The following CLEC4C variants were observed in gnomAD, a reference collection of about 807,000 sequenced individuals.
The protein encoded by CLEC4C is C-type (calcium dependent, carbohydrate-recognition domain) lectin, superfamily member 11.
CLEC4C carries 17 observed loss-of-function variants against 27.7 expected under a neutral mutation model. The observed-to-expected ratio is 0.61, with a 90% CI of 0.42 to 0.92. The LOEUF (loss-of-function observed/expected upper bound fraction) is 0.92, where lower values mean the gene tolerates loss of function less well. Ranked by LOEUF, CLEC4C falls within the 40% of genes least tolerant of loss-of-function variation. The pLI, the probability that CLEC4C is intolerant of heterozygous loss-of-function variation, is 0.00. For synonymous variants in CLEC4C, 80 were observed against 80.8 expected (o/e 0.99, Z 0.06); for missense variants, 244 against 257.3 (o/e 0.95, Z 0.35).
chr12:7,741,659 G>T, intron 2 of CLEC4C, 128 bp from the exon 3 acceptor site: 1 of 573,356 alleles, frequency 1.7e-6, no homozygotes, highest in Non-Finnish European at 3.2e-6. Flanking sequence ...AGGCCGAGGT[G>T]GGAGGACCAT....
In CLEC4C at chr12:7,730,875, TA is replaced by T. The variant is rs746142163; in HGVS notation, c.418del (p.Tyr140IlefsTer43). On this transcript the variant is annotated frameshift_variant, in exon 5 of 6. Coordinates refer to ENST00000360345, the MANE Select transcript of CLEC4C (RefSeq NM_001371390.1). LOFTEE classifies it high-confidence loss of function. ...CCCTGGATCTGACAGCCCCAGAAAA[TA>T]AGAAGAATTTCTTTTCAGATTCTGA... Reference protein sequence around the residue: ...IIQNLKRNSSYFLGLSDPGGR... With the variant: ...IIQNLKRNSSXFLGLSDPGGR... 14 of 1,607,338 alleles carry T rather than the reference TA, an allele frequency of 8.7e-6. No individual in the cohort carries two copies. The highest frequency in any genetic ancestry group is 1.1e-5 in the Non-Finnish European group (13 of 1,174,468).
Position 7,729,526 on chromosome 12 carries a change from T to C in CLEC4C, c.*70A>G, listed in dbSNP as rs189296746. On this transcript the variant is annotated 3_prime_UTR_variant, in exon 6 of 6. Transcript: ENST00000360345. ...CCTTGTACAAAACTTACACATAAAT[T>C]AAAAAATCAATTTAGCTTTCTACAA... 34 of 1,471,140 alleles carry C rather than the reference T, an allele frequency of 2.3e-5. No individual in the cohort carries two copies. Among genetic ancestry groups the C allele is most frequent in the Non-Finnish European group, 3.2e-5 (34 of 1,075,036 alleles). 91.1% of individuals were successfully genotyped at this position (1,471,140 alleles called of 1,614,324 possible). A position where few individuals can be genotyped will look rare whatever the true frequency, so the allele number is the denominator to read the frequency against.
At chr12:7,733,560 C>T (rs1234793416) in intron 4 of CLEC4C, among the ~76,000 whole-genome samples, 1 of 148,562 alleles carries the variant, frequency 6.7e-6, no homozygotes, top group Non-Finnish European at 1.5e-5. Flanking sequence ...TGGCTCACTG[C>T]AAGCTCCGCC....
chr12:7,748,371 C>G (rs2120458146), upstream of CLEC4C, among the ~76,000 whole-genome samples: 1 of 152,098 alleles, frequency 6.6e-6, no homozygotes, highest in East Asian at 1.9e-4. Flanking sequence ...ACTAAAAATA[C>G]AAAAATTAGC....
At chr12:7,733,588 TCTC>T (rs960984977) in intron 4 of CLEC4C, among the ~76,000 whole-genome samples, 5 of 150,576 alleles carry the variant, frequency 3.3e-5, no homozygotes, top group African/African-American at 1.2e-4. Flanking sequence ...TTCACGCCAT[TCTC>T]CTGCCTCAGC....
intron 4 of CLEC4C, among the ~76,000 whole-genome samples, chr12:7,735,209 T>TA (rs917927052): frequency 7.1e-6 from 1 of 140,200 alleles, no homozygotes; most frequent in Non-Finnish European, 1.5e-5. Context: ...CTCAAAAAAA[T>TA]AAAAAAAGAA....
intron 3 of CLEC4C, among the ~76,000 whole-genome samples, chr12:7,741,196 C>T (rs1488025470): frequency 6.6e-6 from 1 of 151,996 alleles, no homozygotes; most frequent in African/African-American, 2.4e-5. Context: ...AACTCCAGAC[C>T]CTCAGGTAAT....
chr12:7,739,559 C>CA (rs1466274553), intron 3 of CLEC4C, among the ~76,000 whole-genome samples: 15 of 152,144 alleles, frequency 9.9e-5, no homozygotes, highest in Non-Finnish European at 2.1e-4. Context: ...ATCCTGGACA[C>CA]AGCCGACCAA....
At chr12:7,745,941 C>T (rs879283504) in intron 2 of CLEC4C, among the ~76,000 whole-genome samples, 6 of 151,800 alleles carry the variant, frequency 4.0e-5, no homozygotes, top group Non-Finnish European at 5.9e-5. Context: ...CGTGGCCGGG[C>T]GCGGTGGCTC....
chr12:7,736,910 A>G (rs1864739127), intron 4 of CLEC4C, among the ~76,000 whole-genome samples: 1 of 151,928 alleles, frequency 6.6e-6, no homozygotes, highest in Non-Finnish European at 1.5e-5. Flanking sequence ...CTCAAAATAA[A>G]TAAATAAATA....
Position 7,746,039 on chromosome 12 carries a change from A to C in CLEC4C, c.124+292T>G, listed in dbSNP as rs771366288. Among the ~76,000 whole-genome samples, 1,340 of 150,902 alleles carry C rather than the reference A, an allele frequency of 8.9e-3. 18 individuals are homozygous for C. Among genetic ancestry groups the C allele is most frequent in the Middle Eastern group, 0.044 (13 of 294 alleles). On this transcript the variant is annotated intron_variant, in intron 2 of 5. Coordinates refer to ENST00000360345, the MANE Select transcript of CLEC4C (RefSeq NM_001371390.1). Reference sequence around the variant, plus strand: ...AACCACCCTGGCTAACACAGTGAAAACCCGTCTCTACTAAAAATACAAAAA... The same window carrying C: ...AACCACCCTGGCTAACACAGTGAAACCCCGTCTCTACTAAAAATACAAAAA...
chr12:7,730,108 C>T (rs1864560849), intron 5 of CLEC4C, among the ~76,000 whole-genome samples: 3 of 151,972 alleles, frequency 2.0e-5, no homozygotes, highest in African/African-American at 7.2e-5. Flanking sequence ...TATTTTTTTT[C>T]CCTAGTCACA....
chr12:7,730,577 T>C (rs748092924), intron 5 of CLEC4C, among the ~76,000 whole-genome samples: 1 of 151,212 alleles, frequency 6.6e-6, no homozygotes, highest in African/African-American at 2.4e-5. Context: ...GAGGCAGAGG[T>C]TGCAGTGAGC....
intron 3 of CLEC4C, among the ~76,000 whole-genome samples, chr12:7,739,670 A>C (rs1864809986): frequency 6.7e-6 from 1 of 149,274 alleles, no homozygotes; most frequent in South Asian, 2.1e-4. Context: ...TAAAGCTGAT[A>C]ATTTTATTTT....
intron 4 of CLEC4C, among the ~76,000 whole-genome samples, chr12:7,734,684 G>A (rs1463686528): frequency 1.3e-5 from 2 of 151,514 alleles, no homozygotes; most frequent in Admixed American, 6.6e-5. Context: ...GAGTAACTGT[G>A]ATTACAGGCA....
Position 7,747,351 on chromosome 12 carries a change from T to C in CLEC4C, c.-3A>G. The C allele has an allele frequency of 6.2e-7, 1 of 1,614,076 alleles. No homozygotes were observed. The highest frequency in any genetic ancestry group is 1.1e-5 in the South Asian group (1 of 91,084). ...TGAGGCTCTTCTTCAGGCACCATTG[T>C]GTGTGCGCACACCCTTTGGACTTCC... On this transcript the variant is annotated 5_prime_UTR_variant, in exon 1 of 6. Coordinates refer to ENST00000360345, the MANE Select transcript of CLEC4C (RefSeq NM_001371390.1).
intron 4 of CLEC4C, among the ~76,000 whole-genome samples, chr12:7,733,584 C>T (rs1277736459): frequency 2.7e-5 from 4 of 150,878 alleles, no homozygotes; most frequent in Non-Finnish European, 4.4e-5. Context: ...TGGGTTCACG[C>T]CATTCTCCTG....
At chr12:7,740,909 C>T (rs1019316804) in intron 3 of CLEC4C, among the ~76,000 whole-genome samples, 6 of 150,710 alleles carry the variant, frequency 4.0e-5, no homozygotes, top group African/African-American at 9.7e-5. Flanking sequence ...GGCGCGATCT[C>T]GGCTCACTGC....
Position 7,729,680 on chromosome 12 carries a change from A to G in CLEC4C, c.558T>C (p.Arg186=). ...LDERCAIINF[R]SSEEWGWNDI... ...CATTCCAGCCCCATTCTTCTGAAGA[A>G]CGGAAATTTATTATCGCACAACGCT... The change falls in exon 6 of 6, where the codon CGT becomes CGC. Residue 186 remains arginine, a synonymous_variant. Transcript: ENST00000360345. The G allele has an allele frequency of 6.2e-7, 1 of 1,613,928 alleles. No homozygotes were observed. Among genetic ancestry groups the G allele is most frequent in the East Asian group, 2.2e-5 (1 of 44,880 alleles).
Sources: gnomAD v4.1 joint callset for allele counts (sites outside exome capture counted in the v4.1 genomes callset) on GRCh38, gnomAD v4.1.1 for gene constraint, MANE v1.5 for transcripts, NCBI Gene and HGNC (gene_info 2026-07-23, HGNC 2026-07-21) for gene names.